The following WDR45 variants were observed in gnomAD, a reference collection of about 807,000 sequenced individuals.
WDR45 encodes WD repeat domain 45, also known as WD repeat domain phosphoinositide-interacting protein 4.
Under a neutral mutation model 27.3 loss-of-function variants are expected in WDR45, and 2 were observed. The ratio of observed to expected loss-of-function variants is 0.07; its 90% CI spans 0.03 to 0.23. The LOEUF (loss-of-function observed/expected upper bound fraction) is 0.23, where lower values mean the gene tolerates loss of function less well. WDR45 is among the 10% of genes least tolerant of loss of function. The pLI is 1.00. For missense variants in WDR45, 175 were observed against 311.9 expected (o/e 0.56, Z 3.31); for synonymous variants, 99 against 119.2 (o/e 0.83, Z 1.11).
At chrX:49,085,647 G>A (rs1162601806) in intron 2 of WDR45, among the ~76,000 whole-genome samples, 1 of 112,943 alleles carries the variant, frequency 8.9e-6, no homozygotes, top group African/African-American at 3.2e-5. Flanking sequence ...GGCGGAAGGT[G>A]AGCAGATTGC....
intron 2 of WDR45, among the ~76,000 whole-genome samples, chrX:49,086,490 G>A (rs2065086505): frequency 9.0e-6 from 1 of 111,412 alleles, no homozygotes; most frequent in Admixed American, 9.6e-5. Context: ...GGCATGGGTG[G>A]GTGGGTGGAG....
chrX:49,075,972 T>A (rs201384117), intron 6 of WDR45, 27 bp from the exon 7 acceptor site: 41 of 1,140,106 alleles, frequency 3.6e-5, no homozygotes, highest in Non-Finnish European at 7.2e-6. Flanking sequence ...GGGGGTGGGG[T>A]GGGCGGCTGA....
chrX:49,094,114 G>C (rs1173003251), intron 2 of WDR45, among the ~76,000 whole-genome samples: 1 of 110,688 alleles, frequency 9.0e-6, no homozygotes, highest in East Asian at 2.9e-4. Context: ...ATTCATTTTT[G>C]TATTACCTCC....
chrX:49,087,660 T>C (rs1008721277), intron 2 of WDR45, among the ~76,000 whole-genome samples: 1 of 112,301 alleles, frequency 8.9e-6, no homozygotes. Context: ...CAAGACTGAA[T>C]AGGAGAAGCC....
At chrX:49,085,935 T>TTCCA (rs2065084806) in intron 2 of WDR45, among the ~76,000 whole-genome samples, 2 of 112,551 alleles carry the variant, frequency 1.8e-5, no homozygotes, top group African/African-American at 3.2e-5. Flanking sequence ...AGTTTAGGTA[T>TTCCA]TCCAGACTTG....
At chrX:49,093,004 C>G (rs937324337) in intron 2 of WDR45, among the ~76,000 whole-genome samples, 2 of 110,834 alleles carry the variant, frequency 1.8e-5, no homozygotes, top group African/African-American at 6.6e-5. Flanking sequence ...GGCGCCATCT[C>G]GGCTCACTGC....
In WDR45 at chrX:49,077,743, G is replaced by A. The variant is rs782629776; in HGVS notation, c.135C>T (p.His45=). The A allele has an allele frequency of 3.8e-5, 45 of 1,199,038 alleles. No individual in the cohort carries two copies. The highest frequency in any genetic ancestry group is 2.0e-4 in the South Asian group (11 of 55,172). The change falls in exon 4 of 11, where the codon CAC becomes CAT. Residue 45 remains histidine (H), a synonymous_variant. Coordinates refer to ENST00000376372, the MANE Select transcript of WDR45 (RefSeq NM_001029896.2). ...CCAAGCCCATGCTGCCCACCTGCTC[G>A]TGGTCTGGACAGGGACCAGGGTGTC... is the stretch of plus-strand genomic sequence containing the variant. The part of the protein sequence containing the change: ...EPLMEKGHLD[H]EQVGSMGLVE...
At chrX:49,087,442 G>A (rs1201654114) in intron 2 of WDR45, among the ~76,000 whole-genome samples, 1 of 111,997 alleles carries the variant, frequency 8.9e-6, no homozygotes, top group Non-Finnish European at 1.9e-5. Context: ...AGAATCACTT[G>A]AACCCGGGAG....
At chrX:49,083,323 T>G (rs1247351459), upstream of WDR45, among the ~76,000 whole-genome samples, 3 of 101,847 alleles carry the variant, frequency 2.9e-5, no homozygotes, top group Non-Finnish European at 6.0e-5. Flanking sequence ...CTCGTTTTTT[T>G]TTTTTTTTTT....
chrX:49,091,366 G>T (rs1244027778), intron 2 of WDR45, among the ~76,000 whole-genome samples: 1 of 111,370 alleles, frequency 9.0e-6, no homozygotes, highest in African/African-American at 3.3e-5. Context: ...ACTTGAAACC[G>T]GGAGGTGGAG....
intron 2 of WDR45, among the ~76,000 whole-genome samples, chrX:49,086,891 C>T (rs35935522): frequency 9.3e-6 from 1 of 107,756 alleles, no homozygotes; most frequent in Non-Finnish European, 1.9e-5. Flanking sequence ...CTGTGCCCAG[C>T]CTCCTTTTTT....
chrX:49,081,297 G>A (rs375849281), upstream of WDR45, among the ~76,000 whole-genome samples: 8 of 107,334 alleles, frequency 7.5e-5, no homozygotes, highest in African/African-American at 2.7e-4. Context: ...TTGGGAGGCC[G>A]AAGCAGGCAG....
At position 49,075,143 on chromosome X, in the gene WDR45, A is replaced by T. The variant is rs782034367; in HGVS notation, c.966T>A (p.Ser322=). 5 of 1,210,341 alleles carry T rather than the reference A, an allele frequency of 4.1e-6. No individual in the cohort carries two copies. In the African/African-American group the frequency reaches 6.9e-5, roughly 17 times the overall value. The change falls in exon 10 of 11, where the codon TCT becomes TCA. Residue 322 remains serine (S), a synonymous_variant. Coordinates refer to ENST00000376372, the MANE Select transcript of WDR45 (RefSeq NM_001029896.2). ...FGRNTSKNVN[S]VIAICVDGTF... ...GGGGCTGTTCCCACTCACCAATGAC[A>T]GAGTTGACGTTCTTGGAAGTATTGC...
intron 2 of WDR45, among the ~76,000 whole-genome samples, chrX:49,089,253 A>C (rs1288364422): frequency 2.7e-5 from 3 of 111,481 alleles, no homozygotes; most frequent in Non-Finnish European, 5.7e-5. Flanking sequence ...ATGCCACTGC[A>C]CTCCAGCCTG....
chrX:49,079,285 C>T (rs1342483050), intron 1 of WDR45, among the ~76,000 whole-genome samples: 1 of 102,965 alleles, frequency 9.7e-6, no homozygotes, highest in Non-Finnish European at 2.0e-5. Context: ...TCCAAGACCC[C>T]GCCCCAGGGC....
intron 4 of WDR45, chrX:49,077,129 G>C: frequency 4.9e-6 from 1 of 203,645 alleles, no homozygotes; most frequent in South Asian, 9.7e-5. Flanking sequence ...CTAGGGCTCT[G>C]TGACTCACCT....
chrX:49,082,659 G>A (rs1308759880), upstream of WDR45, among the ~76,000 whole-genome samples: 2 of 111,198 alleles, frequency 1.8e-5, no homozygotes, highest in Non-Finnish European at 3.8e-5. Context: ...CCTCTCCTGT[G>A]ACTTTCTAGT....
chrX:49,092,405 T>A (rs1326921633), intron 2 of WDR45, among the ~76,000 whole-genome samples: 3 of 106,854 alleles, frequency 2.8e-5, no homozygotes, highest in Non-Finnish European at 5.8e-5. Flanking sequence ...CTTGGACCAA[T>A]TTTTTTTTTA....
chrX:49,085,254 G>C (rs781787679), intron 2 of WDR45, among the ~76,000 whole-genome samples: 3 of 112,006 alleles, frequency 2.7e-5, no homozygotes, highest in Non-Finnish European at 5.6e-5. Flanking sequence ...AGCTACCTAA[G>C]GCCAGGAAAA....
Sources: gnomAD v4.1 joint callset for allele counts (sites outside exome capture counted in the v4.1 genomes callset) on GRCh38, gnomAD v4.1.1 for gene constraint, MANE v1.5 for transcripts, NCBI Gene and HGNC (gene_info 2026-07-23, HGNC 2026-07-21) for gene names.